The following ANKRD44 variants were observed in gnomAD, a reference collection of about 807,000 sequenced individuals.
ANKRD44 encodes the protein ankyrin repeat domain 44.
Under a neutral mutation model 116.0 loss-of-function variants are expected in ANKRD44, and 35 were observed. That is an observed-to-expected ratio of 0.30 (90% confidence interval 0.23 to 0.40). ANKRD44 has a LOEUF of 0.40. Among genes scored for constraint, ANKRD44 ranks in the 10% least tolerant of loss-of-function variants. ANKRD44 has a pLI of 1.00. For missense variants in ANKRD44, 1,014 were observed against 1,242.6 expected (o/e 0.82, Z 2.77); for synonymous variants, 435 against 461.8 (o/e 0.94, Z 0.74).
At chr2:196,983,430 C>T (rs2075816809), downstream of ANKRD44, among the ~76,000 whole-genome samples, 1 of 152,166 alleles carries the variant, frequency 6.6e-6, no homozygotes, top group African/African-American at 2.4e-5. Flanking sequence ...CTCATTCCTG[C>T]CTTTGGGTAT....
intron 22 of ANKRD44, among the ~76,000 whole-genome samples, chr2:197,000,905 G>A (rs895723032): frequency 6.6e-6 from 1 of 152,170 alleles, no homozygotes; most frequent in African/African-American, 2.4e-5. Flanking sequence ...AGGCGTGGTG[G>A]CGCGCACCTG....
At chr2:197,181,326 G>A (rs968377220) in intron 2 of ANKRD44, among the ~76,000 whole-genome samples, 1 of 151,566 alleles carries the variant, frequency 6.6e-6, no homozygotes, top group African/African-American at 2.4e-5. Context: ...TAAAATGGAG[G>A]ATGCACTGGA....
intron 1 of ANKRD44, among the ~76,000 whole-genome samples, chr2:197,206,343 T>C (rs2081205015): frequency 2.6e-5 from 4 of 152,190 alleles, no homozygotes; most frequent in Admixed American, 2.6e-4. Flanking sequence ...AAGTTCACAC[T>C]GTTAGCGCTC....
rs2075850346 is a variant in ANKRD44 at position 196,987,417 on chromosome 2, TA to T, written c.*2173del. ...AGAACATTTTCAGAATATACAAATA[TA>T]AAAAGGCACTCTAACTTCATATTAC... On this transcript the variant is annotated 3_prime_UTR_variant, in exon 28 of 28. Transcript: ENST00000282272. The T allele has an allele frequency of 1.0e-6, 1 of 985,138 alleles. No homozygotes were observed. The highest frequency in any genetic ancestry group is 1.7e-5 in the African/African-American group (1 of 57,196). 61.0% of individuals were successfully genotyped at this position (985,138 alleles called of 1,614,324 possible). A position where few individuals can be genotyped will look rare whatever the true frequency, so the allele number is the denominator to read the frequency against.
At chr2:197,280,802 C>A (rs1246946616) in intron 1 of ANKRD44, among the ~76,000 whole-genome samples, 1 of 152,198 alleles carries the variant, frequency 6.6e-6, no homozygotes, top group Non-Finnish European at 1.5e-5. Context: ...TCACATGTTA[C>A]CACTCAATTC....
chr2:197,025,257 C>T lies in ANKRD44; in HGVS notation c.1661G>A (p.Arg554Lys), dbSNP rs142740264. The part of the protein sequence containing the change: ...HRQCLELLLE[R>K]TNSGFEESDS... ...TGATTCTTCAAATCCACTGTTTGTT[C>T]TTTCCAAAAGCTGTGGAGACAAAAA... Residue 554 changes from arginine to lysine, a missense_variant, in exon 17 of 28, where the codon AGA becomes AAA. Physicochemically the swap from Arg to Lys is conservative, Grantham distance 26 (BLOSUM62 2). Coordinates refer to ENST00000282272, the MANE Select transcript of ANKRD44 (RefSeq NM_001195144.2). The T allele has an allele frequency of 1.4e-5, 23 of 1,610,930 alleles. No homozygotes were observed. Among genetic ancestry groups the T allele is most frequent in the Non-Finnish European group, 1.9e-5 (22 of 1,177,516 alleles).
intron 3 of ANKRD44, 81 bp downstream of exon 3, chr2:197,146,946 G>T: frequency 1.6e-6 from 2 of 1,244,330 alleles, no homozygotes; most frequent in African/African-American, 1.5e-5. Flanking sequence ...TTTTGCTTGG[G>T]TTCACTGTAG....
At chr2:197,265,235 T>C (rs2082710945) in intron 1 of ANKRD44, among the ~76,000 whole-genome samples, 1 of 149,800 alleles carries the variant, frequency 6.7e-6, no homozygotes, top group African/African-American at 2.4e-5. Context: ...TTTTTTTCTT[T>C]TTTTTTTTTT....
chr2:197,121,199 T>C (rs2078845671), intron 8 of ANKRD44, 133 bp downstream of exon 8: 4 of 867,438 alleles, frequency 4.6e-6, no homozygotes, highest in Non-Finnish European at 7.2e-6. Flanking sequence ...CAACTTTTCT[T>C]ATAGCCTCCA....
At chr2:197,190,384 G>C (rs183163828) in intron 1 of ANKRD44, among the ~76,000 whole-genome samples, 1 of 152,186 alleles carries the variant, frequency 6.6e-6, no homozygotes, top group Non-Finnish European at 1.5e-5. Flanking sequence ...AGCATCATGG[G>C]ATTTCAAACT....
chr2:197,138,423 A>G (rs755166335), intron 3 of ANKRD44, among the ~76,000 whole-genome samples: 1 of 150,780 alleles, frequency 6.6e-6, no homozygotes, highest in Non-Finnish European at 1.5e-5. Context: ...TAGGGAGAAG[A>G]AAATCCAGAT....
intron 2 of ANKRD44, among the ~76,000 whole-genome samples, chr2:197,169,404 A>C (rs1221273127): frequency 6.6e-6 from 1 of 152,084 alleles, no homozygotes; most frequent in Non-Finnish European, 1.5e-5. Flanking sequence ...TTTCTCTCCA[A>C]TACACTGTAA....
At chr2:197,157,400 C>T (rs914189202) in intron 2 of ANKRD44, among the ~76,000 whole-genome samples, 9 of 152,130 alleles carry the variant, frequency 5.9e-5, no homozygotes, top group South Asian at 2.1e-4. Context: ...ACCAGCCAGG[C>T]GCAGTGGCTC....
intron 9 of ANKRD44, among the ~76,000 whole-genome samples, chr2:197,105,790 T>C (rs1365885468): frequency 6.6e-6 from 1 of 152,200 alleles, no homozygotes; most frequent in African/African-American, 2.4e-5. Context: ...TCCCCACAGA[T>C]ACCTCAGAGC....
chr2:196,970,326 C>A (rs1194935156), intron 21 of ANKRD44, among the ~76,000 whole-genome samples: 1 of 151,976 alleles, frequency 6.6e-6, no homozygotes, highest in Non-Finnish European at 1.5e-5. Context: ...CGGATCTAGT[C>A]TCAGAACAAA....
At chr2:197,195,294 T>C (rs1288984226) in intron 1 of ANKRD44, among the ~76,000 whole-genome samples, 1 of 152,136 alleles carries the variant, frequency 6.6e-6, no homozygotes, top group Non-Finnish European at 1.5e-5. Context: ...CCTAATCTTA[T>C]GGACAAACAG....
At chr2:197,012,129 G>T (rs979615460) in intron 18 of ANKRD44, among the ~76,000 whole-genome samples, 1 of 152,206 alleles carries the variant, frequency 6.6e-6, no homozygotes, top group African/African-American at 2.4e-5. Context: ...CAAAGCACAC[G>T]CTAAAGCTTC....
At chr2:197,310,538 G>A (rs1450828149) in intron 1 of ANKRD44, 40 bp downstream of exon 1, 4 of 1,076,616 alleles carry the variant, frequency 3.7e-6, no homozygotes, top group Non-Finnish European at 4.5e-6. Context: ...GCGCCGCCCC[G>A]CGCCCGCGCG....
At chr2:196,981,124 T>C (rs989488571) in intron 21 of ANKRD44, among the ~76,000 whole-genome samples, 2 of 152,220 alleles carry the variant, frequency 1.3e-5, no homozygotes, top group Admixed American at 6.5e-5. Flanking sequence ...CACATCAAGA[T>C]CACCAACTCT....
Sources: gnomAD v4.1 joint callset for allele counts (sites outside exome capture counted in the v4.1 genomes callset) on GRCh38, gnomAD v4.1.1 for gene constraint, MANE v1.5 for transcripts, NCBI Gene and HGNC (gene_info 2026-07-23, HGNC 2026-07-21) for gene names.